The following DPY19L2 variants were observed in gnomAD, a reference collection of about 807,000 sequenced individuals.
DPY19L2 encodes probable C-mannosyltransferase DPY19L2.
Under a neutral mutation model 97.9 loss-of-function variants are expected in DPY19L2, and 34 were observed. The ratio of observed to expected loss-of-function variants is 0.35; its 90% CI spans 0.26 to 0.46. The LOEUF is 0.46. DPY19L2 is among the 20% of genes least tolerant of loss of function. The pLI, the probability that DPY19L2 is intolerant of heterozygous loss-of-function variation, is 1.00. For missense variants in DPY19L2, 623 were observed against 911.4 expected, an observed-to-expected ratio of 0.68 and a Z score of 4.07; for synonymous variants, 230 against 307.9, an observed-to-expected ratio of 0.75 and a Z score of 2.65.
intron 6 of DPY19L2, among the ~76,000 whole-genome samples, chr12:63,643,219 T>C (rs1242313442): frequency 3.3e-5 from 5 of 152,068 alleles, no homozygotes; most frequent in Admixed American, 2.0e-4. Context: ...TATTTCTTTT[T>C]TTTCAAGTTT....
intron 5 of DPY19L2, among the ~76,000 whole-genome samples, chr12:63,646,518 T>C (rs1893432125): frequency 6.6e-6 from 1 of 152,146 alleles, no homozygotes; most frequent in African/African-American, 2.4e-5. Context: ...TAAAAATTTA[T>C]TCATAAAATA....
chr12:63,667,226 C>T (rs1258623534), intron 1 of DPY19L2, among the ~76,000 whole-genome samples: 2 of 152,102 alleles, frequency 1.3e-5, no homozygotes, highest in African/African-American at 4.8e-5. Flanking sequence ...AGAGACTATC[C>T]TGTTCAACTA....
At chr12:63,621,684 G>A (rs1888717147) in intron 8 of DPY19L2, among the ~76,000 whole-genome samples, 2 of 152,146 alleles carry the variant, frequency 1.3e-5, no homozygotes, top group Non-Finnish European at 2.9e-5. Context: ...ACCTCAACAT[G>A]CTTCTCCTGT....
intron 11 of DPY19L2, among the ~76,000 whole-genome samples, chr12:63,610,128 T>G (rs571332764): frequency 2.0e-5 from 3 of 149,436 alleles, no homozygotes; most frequent in Admixed American, 2.0e-4. Context: ...ATCTTTAATA[T>G]AAGAAGAAGA....
intron 16 of DPY19L2, 37 bp downstream of exon 16, chr12:63,594,050 A>C: frequency 7.4e-7 from 1 of 1,357,822 alleles, no homozygotes; most frequent in Middle Eastern, 2.3e-4. Flanking sequence ...TAATAATGGA[A>C]TACTGTATGT....
At chr12:63,656,252 T>C (rs1468319094) in intron 4 of DPY19L2, among the ~76,000 whole-genome samples, 1 of 152,186 alleles carries the variant, frequency 6.6e-6, no homozygotes, top group Admixed American at 6.5e-5. Context: ...AATCTGATTA[T>C]AGCTGGAGGA....
chr12:63,610,086 G>A (rs1228723458), intron 11 of DPY19L2, among the ~76,000 whole-genome samples: 2 of 137,270 alleles, frequency 1.5e-5, no homozygotes, highest in African/African-American at 3.0e-5. Flanking sequence ...AGGATAGGTT[G>A]TTAAATGAAA....
At chr12:63,614,146 C>A (rs1326059269) in intron 11 of DPY19L2, among the ~76,000 whole-genome samples, 2 of 147,312 alleles carry the variant, frequency 1.4e-5, no homozygotes, top group Non-Finnish European at 3.0e-5. Flanking sequence ...GCCAAGACTG[C>A]ACCATTGCAC....
rs765421121 is a variant in DPY19L2, at chr12:63,569,285, A to G, written c.2065T>C (p.Leu689=). The G allele has an allele frequency of 3.1e-6, 5 of 1,601,894 alleles. No homozygotes were observed. The Admixed American group carries it at 8.5e-5, about 27-fold the overall frequency. ...TAATAATTCACATGTAACTCCAACAATTTATCTCTTACTTCTTTGGCAGAT... is the reference window on the plus strand; with the variant it reads ...TAATAATTCACATGTAACTCCAACAGTTTATCTCTTACTTCTTTGGCAGAT... ...RKSAKEVRDK[L]LELHVNYYVL... Residue 689 remains leucine, a synonymous_variant, in exon 21 of 22, where the codon TTG becomes CTG. Coordinates refer to ENST00000324472, the MANE Select transcript of DPY19L2 (RefSeq NM_173812.5).
At chr12:63,666,114 T>C (rs1188818083) in intron 1 of DPY19L2, among the ~76,000 whole-genome samples, 2 of 152,066 alleles carry the variant, frequency 1.3e-5, no homozygotes, top group African/African-American at 4.8e-5. Flanking sequence ...CTTCAGGTAA[T>C]TGGTAAGAGT....
chr12:63,637,143 A>G (rs965988648), intron 6 of DPY19L2, among the ~76,000 whole-genome samples: 4 of 152,150 alleles, frequency 2.6e-5, no homozygotes, highest in Non-Finnish European at 5.9e-5. Context: ...ACTCAAAACC[A>G]CACAACTACA....
chr12:63,648,554 A>C, intron 4 of DPY19L2, among the ~76,000 whole-genome samples: 1 of 152,048 alleles, frequency 6.6e-6, no homozygotes, highest in Middle Eastern at 3.4e-3. Flanking sequence ...CAGCCTCCCA[A>C]GTAGCTGGGA....
At chr12:63,636,472 C>A (rs183294621) in intron 6 of DPY19L2, among the ~76,000 whole-genome samples, 191 of 152,190 alleles carry the variant, frequency 1.3e-3, no homozygotes, top group African/African-American at 3.9e-3. Flanking sequence ...AATTAAAAGA[C>A]ACAGACTGGC....
At chr12:63,648,603 T>C (rs1299702002) in intron 4 of DPY19L2, among the ~76,000 whole-genome samples, 1 of 152,000 alleles carries the variant, frequency 6.6e-6, no homozygotes. Flanking sequence ...AATTTTTATA[T>C]ATTTAGTAGA....
At chr12:63,630,875 C>CATA (rs1565801582) in intron 6 of DPY19L2, among the ~76,000 whole-genome samples, 3 of 152,144 alleles carry the variant, frequency 2.0e-5, no homozygotes, top group African/African-American at 4.8e-5. Flanking sequence ...GTCTCTCAGA[C>CATA]GGCAGTGCAA....
chr12:63,590,439 T>C (rs1484257556), intron 16 of DPY19L2, among the ~76,000 whole-genome samples: 1 of 152,148 alleles, frequency 6.6e-6, no homozygotes, highest in Non-Finnish European at 1.5e-5. Flanking sequence ...TGTACCAAGA[T>C]ACACGAACCA....
chr12:63,581,304 A>C (rs1302319963), intron 18 of DPY19L2, among the ~76,000 whole-genome samples: 2 of 152,090 alleles, frequency 1.3e-5, no homozygotes, highest in African/African-American at 4.8e-5. Context: ...GAAGTACCTT[A>C]GGCCCAATAT....
intron 4 of DPY19L2, among the ~76,000 whole-genome samples, chr12:63,658,619 G>A (rs1390502472): frequency 6.6e-6 from 1 of 151,946 alleles, no homozygotes; most frequent in African/African-American, 2.4e-5. Flanking sequence ...CAATAAAAGC[G>A]ATGGCCTAGG....
At chr12:63,642,492 T>G (rs1160868780) in intron 6 of DPY19L2, among the ~76,000 whole-genome samples, 1 of 152,132 alleles carries the variant, frequency 6.6e-6, no homozygotes, top group Non-Finnish European at 1.5e-5. Flanking sequence ...GATGTATTAC[T>G]TATATAGTTC....
Sources: allele counts gnomAD v4.1 joint callset (sites outside exome capture counted in the v4.1 genomes callset), GRCh38; gene constraint gnomAD v4.1.1; transcripts MANE v1.5; gene names NCBI Gene and HGNC (gene_info 2026-07-23, HGNC 2026-07-21).